Variants in MMS22L observed in about 807,000 individuals in gnomAD.
MMS22L encodes the protein MMS22 like, DNA repair protein, also known as protein MMS22-like.
Under a neutral mutation model 159.1 loss-of-function variants are expected in MMS22L, and 74 were observed. The ratio of observed to expected loss-of-function variants is 0.47; its 90% CI spans 0.39 to 0.56. MMS22L has a LOEUF of 0.56. Ranked by LOEUF, MMS22L falls within the 20% of genes least tolerant of loss-of-function variation. MMS22L has a pLI of 0.00. For missense variants in MMS22L, 1,351 were observed against 1,422.1 expected, an observed-to-expected ratio of 0.95 and a Z score of 0.80; for synonymous variants, 517 against 506.9, an observed-to-expected ratio of 1.02 and a Z score of -0.27.
intron 24 of MMS22L, among the ~76,000 whole-genome samples, chr6:97,148,901 C>T (rs751422987): frequency 3.3e-5 from 5 of 152,100 alleles, no homozygotes; most frequent in Non-Finnish European, 5.9e-5. Context: ...GCTGCACTCA[C>T]GGTAAGTGCC....
chr6:97,163,243 C>T (rs917505402), intron 21 of MMS22L, among the ~76,000 whole-genome samples: 3 of 151,628 alleles, frequency 2.0e-5, no homozygotes, highest in African/African-American at 7.3e-5. Flanking sequence ...AGCAAGAGGC[C>T]CACCATGGAG....
chr6:97,240,050 G>A (rs542893569), intron 11 of MMS22L, among the ~76,000 whole-genome samples: 15 of 152,322 alleles, frequency 9.8e-5, no homozygotes, highest in Non-Finnish European at 1.5e-4. Flanking sequence ...TGGAGATCAA[G>A]TCAAAGTACA....
rs142872940 is a variant in MMS22L at position 97,166,586 on chromosome 6, CAGA to C, written c.3010-1132_3010-1130del. Among the ~76,000 whole-genome samples, 532 of 148,092 alleles carry C rather than the reference CAGA, an allele frequency of 3.6e-3. 4 individuals carry two copies. The highest frequency in any genetic ancestry group is 0.012 in the African/African-American group (500 of 40,886). On this transcript the variant is annotated intron_variant, in intron 20 of 24. Transcript: ENST00000683635. Reference sequence around the variant, plus strand: ...TAGTTTAAGGAAAAGCACATTAAATCAGAAGAAGATGAAGTAATAAATGAATAT... The same window carrying C: ...TAGTTTAAGGAAAAGCACATTAAATCAGAAGATGAAGTAATAAATGAATAT...
chr6:97,167,407 T>G (rs2128248970), intron 20 of MMS22L, among the ~76,000 whole-genome samples: 1 of 152,256 alleles, frequency 6.6e-6, no homozygotes, highest in South Asian at 2.1e-4. Context: ...GGTCAAAACC[T>G]TCTGACAATA....
intron 15 of MMS22L, among the ~76,000 whole-genome samples, 172 bp from the exon 16 acceptor site, chr6:97,182,226 G>C (rs1286582974): frequency 6.6e-6 from 1 of 150,944 alleles, no homozygotes; most frequent in Non-Finnish European, 1.5e-5. Flanking sequence ...ACAAATTCAT[G>C]TTGTCATAGA....
In MMS22L at chr6:97,145,024, C is replaced by CCACCCA. The variant is rs1800852311; in HGVS notation, c.*1781_*1782insTGGGTG. ...TCAATCTCCTTTGGAAAAAAAAAAC[C>CCACCCA]CACACACACACACACACACACACAC... is the stretch of plus-strand genomic sequence containing the variant. On this transcript the variant is annotated 3_prime_UTR_variant, in exon 25 of 25. Coordinates refer to ENST00000683635, the MANE Select transcript of MMS22L (RefSeq NM_001350599.2). The CCACCCA allele has an allele frequency of 1.5e-5, 1 of 67,554 alleles. No homozygotes were observed. The highest frequency in any genetic ancestry group is 3.0e-5 in the Non-Finnish European group (1 of 33,066). The allele number at this position is 67,554 out of a possible 1,614,324, so 4.2% of individuals were successfully genotyped here.
chr6:97,157,550 G>A (rs1801988852), intron 22 of MMS22L, among the ~76,000 whole-genome samples: 1 of 152,156 alleles, frequency 6.6e-6, no homozygotes, highest in African/African-American at 2.4e-5. Context: ...TTTTGTTAAA[G>A]GCCTTTTCTG....
At chr6:97,168,005 CTA>C (rs1381360796) in intron 20 of MMS22L, 64 bp downstream of exon 20, 2 of 1,333,142 alleles carry the variant, frequency 1.5e-6, no homozygotes, top group Non-Finnish European at 1.0e-6. Flanking sequence ...ATTTAGTAAA[CTA>C]TGTTTTTAAG....
At position 97,165,455 on chromosome 6, in the gene MMS22L, G is replaced by T; in HGVS notation, c.3012C>A (p.Gly1004=). The stretch of plus-strand genomic sequence containing the variant: ...GAGATTGACAACACACGATACACAT[G>T]CCCTACAAGGAAAAAAAGTAAGAAA... The part of the protein sequence containing the change: ...IQKSLPLYLQ[G]MCIVCCQSQN... Residue 1004 remains glycine (G), a splice_region_variant and synonymous_variant, in exon 21 of 25, where the codon GGC becomes GGA. Coordinates refer to ENST00000683635, the MANE Select transcript of MMS22L (RefSeq NM_001350599.2). 6.2e-7 allele frequency: 1 copy of T among 1,610,942 alleles called. No individual in the cohort carries two copies. The highest frequency in any genetic ancestry group is 8.5e-7 in the Non-Finnish European group (1 of 1,178,708).
chr6:97,191,422 TATTTCTA>T (rs1377133117), intron 14 of MMS22L, among the ~76,000 whole-genome samples: 4 of 152,198 alleles, frequency 2.6e-5, no homozygotes, highest in African/African-American at 9.6e-5. Context: ...GTATATTAAT[TATTTCTA>T]ATACATGATG....
chr6:97,215,270 C>G (rs778526780), intron 14 of MMS22L, among the ~76,000 whole-genome samples: 1 of 151,988 alleles, frequency 6.6e-6, no homozygotes, highest in African/African-American at 2.4e-5. Context: ...GCAACAGCAG[C>G]GGCTCTGCTC....
intron 14 of MMS22L, among the ~76,000 whole-genome samples, chr6:97,194,967 TGA>T (rs1214994647): frequency 1.3e-5 from 2 of 152,246 alleles, no homozygotes; most frequent in East Asian, 1.9e-4. Flanking sequence ...TATATTCTAA[TGA>T]GAGACAGATA....
chr6:97,234,064 C>G (rs1220649345), intron 11 of MMS22L, 84 bp from the exon 12 acceptor site: 2 of 1,422,294 alleles, frequency 1.4e-6, no homozygotes, highest in Non-Finnish European at 1.9e-6. Flanking sequence ...TGTATATAAC[C>G]TGCAGCTAAA....
At chr6:97,200,147 CA>C (rs1806985334) in intron 14 of MMS22L, among the ~76,000 whole-genome samples, 1 of 152,044 alleles carries the variant, frequency 6.6e-6, no homozygotes, top group Non-Finnish European at 1.5e-5. Flanking sequence ...GTAGAAAAAG[CA>C]GTGACTAATA....
chr6:97,160,421 G>A (rs1802317738), intron 22 of MMS22L, among the ~76,000 whole-genome samples: 2 of 152,020 alleles, frequency 1.3e-5, no homozygotes, highest in East Asian at 3.9e-4. Context: ...TTTAATTCCT[G>A]TGAATGCTAT....
At chr6:97,276,034 A>C (rs1014451481) in intron 4 of MMS22L, among the ~76,000 whole-genome samples, 1 of 152,154 alleles carries the variant, frequency 6.6e-6, no homozygotes, top group Non-Finnish European at 1.5e-5. Context: ...GAAAGAGAGA[A>C]AAAAAACAGC....
At chr6:97,152,187 AAAAG>A (rs1801385733) in intron 22 of MMS22L, among the ~76,000 whole-genome samples, 1 of 152,142 alleles carries the variant, frequency 6.6e-6, no homozygotes, top group Non-Finnish European at 1.5e-5. Flanking sequence ...ACATACCGAC[AAAAG>A]AAAGCCTTTA....
intron 22 of MMS22L, among the ~76,000 whole-genome samples, chr6:97,161,484 G>A (rs1802429640): frequency 6.6e-6 from 1 of 152,000 alleles, no homozygotes; most frequent in Admixed American, 6.6e-5. Context: ...GGGATTACAG[G>A]TGTGAGCCAT....
chr6:97,264,675 A>G (rs1008442012), intron 8 of MMS22L: 1 of 152,160 alleles, frequency 6.6e-6, no homozygotes, highest in Non-Finnish European at 1.5e-5. Flanking sequence ...AAATTATTTG[A>G]ATAAATAAAT....
Sources: gnomAD v4.1 joint callset for allele counts (sites outside exome capture counted in the v4.1 genomes callset) on GRCh38, gnomAD v4.1.1 for gene constraint, MANE v1.5 for transcripts, NCBI Gene and HGNC (gene_info 2026-07-23, HGNC 2026-07-21) for gene names.